SCN1A: variants seen among roughly 807,000 people sequenced by gnomAD.
SCN1A encodes sodium channel protein type 1 subunit alpha.
In SCN1A, 13 loss-of-function variants were observed where a neutral mutation model predicts 193.7. The observed-to-expected ratio is 0.07, with a 90% confidence interval of 0.04 to 0.11. SCN1A has a LOEUF of 0.11. Among genes scored for constraint, SCN1A ranks in the 10% least tolerant of loss-of-function variants. The pLI is 1.00. For synonymous variants in SCN1A, 781 were observed against 843.6 expected, an observed-to-expected ratio of 0.93 and a Z score of 1.29; for missense variants, 1,432 against 2,451.1, an observed-to-expected ratio of 0.58 and a Z score of 8.78.
intron 1 of SCN1A, among the ~76,000 whole-genome samples, chr2:166,135,396 A>C (rs1691818081): frequency 6.6e-6 from 1 of 152,174 alleles, no homozygotes; most frequent in Non-Finnish European, 1.5e-5. Flanking sequence ...TGTTTCCCTA[A>C]AGAATTCCTG....
intron 17 of SCN1A, among the ~76,000 whole-genome samples, chr2:166,038,454 C>G (rs968053563): frequency 2.6e-5 from 4 of 152,120 alleles, no homozygotes; most frequent in African/African-American, 9.6e-5. Context: ...GATCCTCCTG[C>G]CCCAGCCTCC....
intron 2 of SCN1A, among the ~76,000 whole-genome samples, chr2:166,103,068 G>GATATAT (rs58394206): frequency 0.19 from 28,611 of 148,794 alleles, 3,088 homozygotes; most frequent in Non-Finnish European, 0.25. Context: ...AGATTTGGGA[G>GATATAT]ATATATATAT....
chr2:166,125,262 G>A (rs1054820871), intron 2 of SCN1A, among the ~76,000 whole-genome samples: 1 of 152,180 alleles, frequency 6.6e-6, no homozygotes, highest in Non-Finnish European at 1.5e-5. Context: ...ATCCTTCTCT[G>A]GGATCTGTTT....
chr2:166,124,040 C>T (rs1353915350), intron 2 of SCN1A, among the ~76,000 whole-genome samples: 3 of 152,128 alleles, frequency 2.0e-5, no homozygotes, highest in African/African-American at 7.2e-5. Context: ...GCATGCCCCT[C>T]TCATCCTCAC....
At chr2:166,138,411 C>G (rs975692784) in intron 1 of SCN1A, among the ~76,000 whole-genome samples, 1 of 152,310 alleles carries the variant, frequency 6.6e-6, no homozygotes, top group African/African-American at 2.4e-5. Context: ...ATGCTGTATG[C>G]AGCCTAGGGA....
upstream of SCN1A, among the ~76,000 whole-genome samples, chr2:166,130,510 G>C (rs1337782690): frequency 6.6e-6 from 1 of 152,096 alleles, no homozygotes; most frequent in Non-Finnish European, 1.5e-5. Flanking sequence ...TAGCAAATTC[G>C]GCGGATATTT....
chr2:166,042,304 T>G lies in SCN1A; in HGVS notation c.2164A>C (p.Asn722His), dbSNP rs1341631584. 6.2e-7 allele frequency: 1 copy of G among 1,613,888 alleles called. No individual in the cohort carries two copies. The highest frequency in any genetic ancestry group is 1.1e-5 in the South Asian group (1 of 91,058). The change falls in exon 15 of 29, where the codon AAT becomes CAT. Residue 722 changes from asparagine (N) to histidine (H), a missense_variant. Asn to His is a moderately conservative substitution (Grantham distance 68). Around this residue, in one of 18 missense-constraint regions of SCN1A, gnomAD observed 316 missense variants for 362.1 expected, o/e 0.87. Coordinates refer to ENST00000674923, the MANE Select transcript of SCN1A (RefSeq NM_001165963.4). The part of the protein sequence containing the change: ...RAMSIASILT[N>H]TVEELEESRQ... ...ATTTGTTACCAACCTTCTACTGTATTTGTTAGAATGCTGGCTATACTCATT... is the reference window on the plus strand; with the variant it reads ...ATTTGTTACCAACCTTCTACTGTATGTGTTAGAATGCTGGCTATACTCATT...
At chr2:166,027,888 TATA>T (rs1453307030) in intron 19 of SCN1A, among the ~76,000 whole-genome samples, 6 of 151,948 alleles carry the variant, frequency 3.9e-5, no homozygotes, top group Non-Finnish European at 8.8e-5. Flanking sequence ...CAAAGGAAAA[TATA>T]ATATCAATGG....
intron 13 of SCN1A, among the ~76,000 whole-genome samples, chr2:166,044,809 AG>A (rs1697600470): frequency 6.6e-6 from 1 of 152,214 alleles, no homozygotes; most frequent in South Asian, 2.1e-4. Flanking sequence ...TCAGAATGAC[AG>A]TCCAGTTCTC....
chr2:166,015,575 T>C, intron 20 of SCN1A, 32 bp downstream of exon 20: 1 of 1,611,586 alleles, frequency 6.2e-7, no homozygotes, highest in Non-Finnish European at 8.5e-7. Context: ...GCACTCCAAA[T>C]GAAAGATTAA....
At chr2:166,063,067 G>T (rs1683484567) in intron 4 of SCN1A, among the ~76,000 whole-genome samples, 1 of 152,066 alleles carries the variant, frequency 6.6e-6, no homozygotes, top group Admixed American at 6.6e-5. Context: ...AGACTTTGTG[G>T]TTTAGTACAA....
In SCN1A at chr2:166,073,329, G is replaced by T. The variant is rs906325931; in HGVS notation, c.264+29C>A. The stretch of plus-strand genomic sequence containing the variant: ...CAAGGAATGCAGTAGGCAATTAGCA[G>T]CAAAATATGCCTGATAAAAAACACT... On this transcript the variant is annotated intron_variant, in intron 4 of 28. Coordinates refer to ENST00000674923, the MANE Select transcript of SCN1A (RefSeq NM_001165963.4). The T allele has an allele frequency of 1.9e-6, 3 of 1,612,246 alleles. No individual in the cohort carries two copies. The African/African-American group carries it at 4.0e-5, about 22-fold the overall frequency.
At chr2:166,015,844 T>G in intron 19 of SCN1A, 117 bp from the exon 20 acceptor site, 1 of 1,178,002 alleles carries the variant, frequency 8.5e-7, no homozygotes, top group East Asian at 2.4e-5. Flanking sequence ...AGAGATATTT[T>G]TAGAGAAAAA....
At chr2:166,012,525 A>G (rs1692634154) in intron 21 of SCN1A, among the ~76,000 whole-genome samples, 1 of 149,542 alleles carries the variant, frequency 6.7e-6, no homozygotes, top group African/African-American at 2.4e-5. Flanking sequence ...GTCAGGAAAT[A>G]GTTCTTGATG....
intron 17 of SCN1A, 50 bp downstream of exon 17, chr2:166,039,373 T>G: frequency 6.3e-7 from 1 of 1,584,432 alleles, no homozygotes. Context: ...GCAAGAACCC[T>G]GATTGTTAGA....
chr2:166,146,689 C>G (rs759108883), intron 1 of SCN1A, among the ~76,000 whole-genome samples: 3 of 152,134 alleles, frequency 2.0e-5, no homozygotes, highest in Non-Finnish European at 4.4e-5. Flanking sequence ...AAATGAGAAG[C>G]TGAACATCAA....
At position 166,098,047 on chromosome 2, in the gene SCN1A, C is replaced by T. The variant is rs943629856; in HGVS notation, c.-141-20246G>A. Among the ~76,000 whole-genome samples, 4 of 152,268 alleles carry T rather than the reference C, an allele frequency of 2.6e-5. No homozygotes were observed. The East Asian group carries it at 7.7e-4, about 29-fold the overall frequency. On this transcript the variant is annotated intron_variant, in intron 2 of 28. Transcript: ENST00000674923. ...GAAATATCTATCTGTCTATCAAAAT[C>T]TGGCAGAGACACAATGAAAAAAGAA...
chr2:166,086,340 T>C (rs1260806498), intron 2 of SCN1A, among the ~76,000 whole-genome samples: 2 of 152,170 alleles, frequency 1.3e-5, no homozygotes, highest in East Asian at 1.9e-4. Flanking sequence ...ACTGAGAATG[T>C]GCAGTAAGGA....
intron 2 of SCN1A, among the ~76,000 whole-genome samples, chr2:166,114,343 G>A (rs559390887): frequency 3.7e-4 from 57 of 152,286 alleles, no homozygotes; most frequent in African/African-American, 1.2e-3. Flanking sequence ...AACAAATGAT[G>A]AGAGAAGGAG....
Sources: gnomAD v4.1 joint callset for allele counts (sites outside exome capture counted in the v4.1 genomes callset) on GRCh38, gnomAD v4.1.1 for gene constraint, gnomAD v4.1.1 regional missense constraint, MANE v1.5 for transcripts, NCBI Gene and HGNC (gene_info 2026-07-23, HGNC 2026-07-21) for gene names.